ECI1: variants seen among roughly 807,000 people sequenced by gnomAD.
ECI1 encodes the protein enoyl-CoA delta isomerase 1, also known as enoyl-CoA delta isomerase 1, mitochondrial.
A neutral mutation model predicts 34.2 loss-of-function variants in ECI1; 34 were observed. The observed-to-expected ratio is 1.00, with a 90% confidence interval of 0.76 to 1.33. The LOEUF is 1.33. ECI1 is among the 40% of genes most tolerant of loss of function. The pLI, the probability that ECI1 is intolerant of heterozygous loss-of-function variation, is 0.00. For synonymous variants in ECI1, 211 were observed against 193.0 expected, an observed-to-expected ratio of 1.09 and a Z score of -0.77; for missense variants, 456 against 422.2, an observed-to-expected ratio of 1.08 and a Z score of -0.70.
Position 2,240,219 on chromosome 16 carries a change from T to G in ECI1, c.743-74A>C, listed in dbSNP as rs1409620300. The G allele has an allele frequency of 2.0e-6, 3 of 1,516,468 alleles. No homozygotes were observed. In the African/African-American group the frequency reaches 4.2e-5, roughly 21 times the overall value. The allele number at this position is 1,516,468 out of a possible 1,614,324, so 93.9% of individuals were successfully genotyped here. A position where few individuals can be genotyped will look rare whatever the true frequency, so the allele number is the denominator to read the frequency against. On this transcript the variant is annotated intron_variant, in intron 6 of 6. Coordinates refer to ENST00000301729, the MANE Select transcript of ECI1 (RefSeq NM_001919.4). ...GGGTGATTCCCAACTTATTTTTTATTTTTATTTTTTGAGACGGAGTCTTGC... is the reference window on the plus strand; with the variant it reads ...GGGTGATTCCCAACTTATTTTTTATGTTTATTTTTTGAGACGGAGTCTTGC...
Position 2,244,493 on chromosome 16 carries a change from G to A in ECI1, c.354C>T (p.Pro118=), listed in dbSNP as rs148548119. The part of the protein sequence containing the change: ...LDLTEMCGRS[P]AHYAGYWKAV... ...CCTTCCAGTACCCAGCGTAGTGGGC[G>A]GGGCTCCTCCCACACATCTCCGTCA... The change falls in exon 4 of 7, where the codon CCC becomes CCT. Residue 118 remains proline, a synonymous_variant. Coordinates refer to ENST00000301729, the MANE Select transcript of ECI1 (RefSeq NM_001919.4). The A allele has an allele frequency of 2.7e-4, 433 of 1,608,276 alleles. No homozygotes were observed. The African/African-American group carries it at 3.2e-3, about 12-fold the overall frequency.
At chr16:2,240,442 C>T in intron 6 of ECI1, 1 of 365,658 alleles carries the variant, frequency 2.7e-6, no homozygotes. Flanking sequence ...AACTCCTGAC[C>T]TCAGGTGATC....
intron 3 of ECI1, among the ~76,000 whole-genome samples, chr16:2,245,592 G>A (rs571422179): frequency 5.9e-5 from 9 of 152,310 alleles, no homozygotes; most frequent in Admixed American, 2.6e-4. Context: ...CAGGCCTGGC[G>A]TGGTGGCTCA....
rs761616918 is a variant in ECI1 at position 2,243,214 on chromosome 16, TG to T, written c.573del (p.Asp191GlufsTer32). Reference protein sequence around the residue: ...LGIIAPFWLKDTLENTIGHRA... With the variant: ...LGIIAPFWLKXTLENTIGHRA... ...CGGTGCCCGATGGTGTTCTCCAGGG[TG>T]TCTTTCAACCTGGAAATGCAGACAC... On this transcript the variant is annotated frameshift_variant, in exon 6 of 7. Coordinates refer to ENST00000301729, the MANE Select transcript of ECI1 (RefSeq NM_001919.4). LOFTEE classifies it high-confidence loss of function. 2 of 1,611,836 alleles carry T rather than the reference TG, an allele frequency of 1.2e-6. No individual in the cohort carries two copies. Among genetic ancestry groups the T allele is most frequent in the South Asian group, 2.2e-5 (2 of 91,082 alleles).
chr16:2,250,589 T>C (rs2141512851), intron 2 of ECI1, among the ~76,000 whole-genome samples: 1 of 152,312 alleles, frequency 6.6e-6, no homozygotes, highest in East Asian at 1.9e-4. Flanking sequence ...GCCCTCTCGG[T>C]GCCCTCAGCT....
chr16:2,247,190 G>C (rs2093542509), intron 2 of ECI1, among the ~76,000 whole-genome samples: 1 of 152,116 alleles, frequency 6.6e-6, no homozygotes, highest in Non-Finnish European at 1.5e-5. Context: ...TCTGCCTTCC[G>C]GGTTCACACC....
intron 4 of ECI1, 107 bp downstream of exon 4, chr16:2,244,299 C>T (rs1179874181): frequency 2.2e-5 from 29 of 1,347,186 alleles, no homozygotes; most frequent in African/African-American, 5.8e-5. Flanking sequence ...CCTCTCCAAC[C>T]GTCCCCTTCC....
rs773456374 is a variant in ECI1 at position 2,243,196 on chromosome 16, C to T, written c.592G>A (p.Gly198Arg). ...AGGGCACGCTCCGCCGCCCGGTGCC[C>T]GATGGTGTTCTCCAGGGTGTCTTTC... ...WLKDTLENTI[G>R]HRAAERALQL... Residue 198 changes from glycine to arginine, a missense_variant, in exon 6 of 7, where the codon GGG becomes AGG. Coordinates refer to ENST00000301729, the MANE Select transcript of ECI1 (RefSeq NM_001919.4). The T allele has an allele frequency of 2.7e-5, 44 of 1,610,656 alleles. No individual in the cohort carries two copies. Among genetic ancestry groups the T allele is most frequent in the East Asian group, 2.2e-5 (1 of 44,894 alleles).
chr16:2,244,048 C>T (rs2093534417), intron 4 of ECI1: 1 of 374,852 alleles, frequency 2.7e-6, no homozygotes, highest in Non-Finnish European at 5.1e-6. Context: ...CCGTGTTGTT[C>T]TCGGCTTCCC....
At position 2,244,552 on chromosome 16, in the gene ECI1, C is replaced by T. The variant is rs774213990; in HGVS notation, c.295G>A (p.Asp99Asn). The change falls in exon 4 of 7, where the codon GAC becomes AAC. Residue 99 changes from aspartate to asparagine, a missense_variant and splice_region_variant. By Grantham distance (23) the Asp-to-Asn change is conservative (BLOSUM62 1). Coordinates refer to ENST00000301729, the MANE Select transcript of ECI1 (RefSeq NM_001919.4). ...KSFRGVILTS[D>N]RPGVFSAGLD... The stretch of plus-strand genomic sequence containing the variant: ...CCGGCCGAGAAGACACCCGGGCGGT[C>T]CTGCAGGGGGAGCCGGGGCCACATG... 1 of 1,582,052 alleles carries T rather than the reference C, an allele frequency of 6.3e-7. No individual in the cohort carries two copies. The highest frequency in any genetic ancestry group is 8.6e-7 in the Non-Finnish European group (1 of 1,164,624).
chr16:2,240,159 G>T lies in ECI1; in HGVS notation c.743-14C>A. ...GTCGAGCATGGTCTAAAGAGAATGG[G>T]ACGTGCCACTGAAATCCCACTTTCA... On this transcript the variant is annotated splice_polypyrimidine_tract_variant and intron_variant, in intron 6 of 6. Transcript: ENST00000301729. 1 of 1,612,796 alleles carries T rather than the reference G, an allele frequency of 6.2e-7. No individual in the cohort carries two copies. The highest frequency in any genetic ancestry group is 8.5e-7 in the Non-Finnish European group (1 of 1,179,910).
chr16:2,240,188 G>T (rs376996035), intron 6 of ECI1, 43 bp from the exon 7 acceptor site: 3 of 1,599,202 alleles, frequency 1.9e-6, no homozygotes, highest in South Asian at 2.2e-5. Context: ...ACTTTCAGGG[G>T]CAGTGGGGTG....
intron 6 of ECI1, among the ~76,000 whole-genome samples, chr16:2,242,011 C>T (rs984009241): frequency 2.0e-5 from 3 of 152,096 alleles, no homozygotes; most frequent in Non-Finnish European, 2.9e-5. Context: ...AGGCGCCCGC[C>T]GCCACACCTG....
chr16:2,244,582 TCA>T, intron 3 of ECI1, 30 bp from the exon 4 acceptor site: 2 of 1,563,238 alleles, frequency 1.3e-6, no homozygotes, highest in Non-Finnish European at 8.7e-7. Context: ...CACATGCCCA[TCA>T]GAGTCCACCT....
intron 2 of ECI1, among the ~76,000 whole-genome samples, chr16:2,250,439 T>C (rs577703397): frequency 2.0e-5 from 3 of 151,758 alleles, no homozygotes; most frequent in African/African-American, 7.3e-5. Flanking sequence ...CAGCCCTGAG[T>C]CTGGGGGGTT....
chr16:2,246,172 G>A (rs2093539826), intron 3 of ECI1, among the ~76,000 whole-genome samples: 1 of 152,164 alleles, frequency 6.6e-6, no homozygotes, highest in Non-Finnish European at 1.5e-5. Flanking sequence ...GGCGATGTTG[G>A]TAATGACACC....
chr16:2,251,290 G>T, intron 2 of ECI1, 26 bp downstream of exon 2: 2 of 1,081,516 alleles, frequency 1.8e-6, no homozygotes, highest in Non-Finnish European at 2.3e-6. Flanking sequence ...CCCCACGCCC[G>T]CCCTCCCTCG....
At chr16:2,251,221 C>T (rs1381060811) in intron 2 of ECI1, 95 bp downstream of exon 2, 4 of 447,780 alleles carry the variant, frequency 8.9e-6, no homozygotes, top group African/African-American at 4.2e-5. Flanking sequence ...ACAAACCGAG[C>T]GTCGACAGAC....
In ECI1 at chr16:2,251,356, G is replaced by T; in HGVS notation, c.126C>A (p.Phe42Leu). ...AAGGGDGARR[F>L]GSQRVLVEPD... Reference sequence around the variant, plus strand: ...GCTCCACCAGCACCCGCTGGCTCCCGAAGCGCCGCGCGCCGTCTCCGCCGC... The same window carrying T: ...GCTCCACCAGCACCCGCTGGCTCCCTAAGCGCCGCGCGCCGTCTCCGCCGC... Residue 42 changes from phenylalanine to leucine, a missense_variant, in exon 2 of 7, where the codon TTC (phenylalanine) becomes TTA (leucine). Phe to Leu is a conservative substitution (Grantham distance 22). Coordinates refer to ENST00000301729, the MANE Select transcript of ECI1 (RefSeq NM_001919.4). 2 of 1,248,768 alleles carry T rather than the reference G, an allele frequency of 1.6e-6. No individual in the cohort carries two copies. The highest frequency in any genetic ancestry group is 3.1e-5 in the South Asian group (1 of 32,756). 77.4% of individuals were successfully genotyped at this position (1,248,768 alleles called of 1,614,324 possible). A position where few individuals can be genotyped will look rare whatever the true frequency, so the allele number is the denominator to read the frequency against.
Sources: gnomAD v4.1 joint callset for allele counts (sites outside exome capture counted in the v4.1 genomes callset) on GRCh38, gnomAD v4.1.1 for gene constraint, MANE v1.5 for transcripts, NCBI Gene and HGNC (gene_info 2026-07-23, HGNC 2026-07-21) for gene names.